The following ZZZ3 variants were observed in gnomAD, a reference collection of about 807,000 sequenced individuals.
ZZZ3 encodes zinc finger ZZ-type containing 3.
Under a neutral mutation model 95.2 loss-of-function variants are expected in ZZZ3, and 22 were observed. The ratio of observed to expected loss-of-function variants is 0.23; its 90% CI spans 0.17 to 0.33. The LOEUF is 0.33. Among genes scored for constraint, ZZZ3 ranks in the 10% least tolerant of loss-of-function variants. The pLI, the probability that ZZZ3 is intolerant of heterozygous loss-of-function variation, is 1.00. For synonymous variants in ZZZ3, 335 were observed against 358.9 expected (o/e 0.93, Z 0.75); for missense variants, 885 against 1,066.5 (o/e 0.83, Z 2.37).
chr1:77,679,492 G>A (rs1287145338), intron 1 of ZZZ3, among the ~76,000 whole-genome samples: 1 of 151,900 alleles, frequency 6.6e-6, no homozygotes, highest in Admixed American at 6.6e-5. Context: ...TGGTAGAAAC[G>A]TGGTCTGACT....
Position 77,582,119 on chromosome 1 carries a change from A to G in ZZZ3, c.1652T>C (p.Ile551Thr), listed in dbSNP as rs373490606. 4 of 1,602,658 alleles carry G rather than the reference A, an allele frequency of 2.5e-6. No individual in the cohort carries two copies. Among genetic ancestry groups the G allele is most frequent in the Non-Finnish European group, 3.4e-6 (4 of 1,176,540 alleles). ...FVEKLQKKADIGLPYPQRVVQ... is the reference protein window; with the variant it reads ...FVEKLQKKADTGLPYPQRVVQ... ...AACTCTCTGTGGATATGGAAGCCCA[A>G]TATCAGCCTGGAGGCAGGGGAGAAA... The change falls in exon 7 of 15, where the codon ATT (isoleucine) becomes ACT (threonine). Residue 551 changes from isoleucine (I) to threonine (T), a missense_variant. By Grantham distance (89) the Ile-to-Thr change is moderately conservative. Coordinates refer to ENST00000370801, the MANE Select transcript of ZZZ3 (RefSeq NM_015534.6).
rs139997412 is a variant in ZZZ3, at chr1:77,595,156, A to T, written c.1506-10501T>A. On this transcript the variant is annotated intron_variant, in intron 5 of 14. Transcript: ENST00000370801. ...ACTACCTTCAAGATCATTACAATTT[A>T]GGGAAGAAGATGTGACTGTGTGAAC... Among the ~76,000 whole-genome samples the T allele has an allele frequency of 1.8e-3, 273 of 152,186 alleles. 1 individual carries two copies. The highest frequency in any genetic ancestry group is 6.4e-3 in the African/African-American group (265 of 41,570).
chr1:77,591,797 G>C (rs897354940), intron 5 of ZZZ3, among the ~76,000 whole-genome samples: 2 of 152,080 alleles, frequency 1.3e-5, no homozygotes, highest in African/African-American at 4.8e-5. Flanking sequence ...AATTTAAAAT[G>C]AGCAAAGAAA....
chr1:77,649,102 G>C (rs1378665572), intron 1 of ZZZ3, among the ~76,000 whole-genome samples: 1 of 152,080 alleles, frequency 6.6e-6, no homozygotes, highest in African/African-American at 2.4e-5. Context: ...ACTCCAGCCT[G>C]GGTGACAGAG....
chr1:77,600,481 G>T (rs1226132432), intron 5 of ZZZ3, among the ~76,000 whole-genome samples: 1 of 152,168 alleles, frequency 6.6e-6, no homozygotes, highest in African/African-American at 2.4e-5. Flanking sequence ...TATTTGCACA[G>T]TTAAGTAAAT....
chr1:77,625,097 T>C (rs902429323), intron 5 of ZZZ3, among the ~76,000 whole-genome samples: 4 of 152,324 alleles, frequency 2.6e-5, no homozygotes, highest in Non-Finnish European at 5.9e-5. Context: ...TGTACACTTC[T>C]ATAAAAAATT....
At chr1:77,682,321 T>C (rs555949701) in intron 1 of ZZZ3, among the ~76,000 whole-genome samples, 2 of 152,188 alleles carry the variant, frequency 1.3e-5, no homozygotes, top group African/African-American at 4.8e-5. Context: ...AGGAACGGTA[T>C]CCAATGGAAT....
intron 3 of ZZZ3, among the ~76,000 whole-genome samples, chr1:77,640,074 T>C (rs1343879511): frequency 6.6e-6 from 1 of 152,056 alleles, no homozygotes; most frequent in Non-Finnish European, 1.5e-5. Context: ...CAACCAAATC[T>C]TCTATACCTA....
At chr1:77,658,611 G>A (rs1457474642) in intron 1 of ZZZ3, among the ~76,000 whole-genome samples, 5 of 150,062 alleles carry the variant, frequency 3.3e-5, no homozygotes, top group South Asian at 2.1e-4. Flanking sequence ...CGATCCTCCC[G>A]CCTTGGCTTC....
chr1:77,668,324 G>A (rs1671436151), intron 1 of ZZZ3, among the ~76,000 whole-genome samples: 1 of 152,110 alleles, frequency 6.6e-6, no homozygotes, highest in Non-Finnish European at 1.5e-5. Context: ...AGCATAGAAT[G>A]ATCACTGTCT....
chr1:77,605,330 G>C (rs181596542), intron 5 of ZZZ3, among the ~76,000 whole-genome samples: 46 of 152,304 alleles, frequency 3.0e-4, no homozygotes, highest in African/African-American at 1.0e-3. Flanking sequence ...ACCAGCCCTA[G>C]CCAGAGGGCA....
intron 12 of ZZZ3, among the ~76,000 whole-genome samples, chr1:77,574,402 A>G (rs551348960): frequency 5.2e-4 from 79 of 152,210 alleles, no homozygotes; most frequent in Non-Finnish European, 1.0e-3. Context: ...TAAAAGTCCT[A>G]GAGTTCTTAA....
At position 77,632,930 on chromosome 1, in the gene ZZZ3, T is replaced by A; in HGVS notation, c.425A>T (p.Glu142Val). Residue 142 changes from glutamate (E) to valine (V), a missense_variant, in exon 5 of 15, where the codon GAG becomes GTG. Physicochemically the swap from Glu to Val is moderately radical, Grantham distance 121. Around this residue, in one of 5 missense-constraint regions of ZZZ3, gnomAD observed 556 missense variants for 652.9 expected, o/e 0.85. Transcript: ENST00000370801. ...TACTGTACTCCTCTGTTCTACTGAC[T>A]CCTTGTCTGATTTTATAGGAGAATC... The part of the protein sequence containing the change: ...EEDSPIKSDK[E>V]SVEQRSTVVD... 1 of 1,614,176 alleles carries A rather than the reference T, an allele frequency of 6.2e-7. No homozygotes were observed. Among genetic ancestry groups the A allele is most frequent in the Non-Finnish European group, 8.5e-7 (1 of 1,180,026 alleles).
chr1:77,610,741 T>C (rs2100728920), intron 5 of ZZZ3, among the ~76,000 whole-genome samples: 1 of 151,866 alleles, frequency 6.6e-6, no homozygotes, highest in Middle Eastern at 3.4e-3. Context: ...GAAAAAGCAC[T>C]GGCAAAGTTT....
intron 5 of ZZZ3, among the ~76,000 whole-genome samples, chr1:77,611,928 T>G (rs1246905146): frequency 6.6e-6 from 1 of 151,970 alleles, no homozygotes; most frequent in African/African-American, 2.4e-5. Context: ...AATGATTTTT[T>G]GGGTAATACA....
At chr1:77,666,963 GAA>G (rs1228312547) in intron 1 of ZZZ3, among the ~76,000 whole-genome samples, 1 of 152,162 alleles carries the variant, frequency 6.6e-6, no homozygotes, top group Non-Finnish European at 1.5e-5. Flanking sequence ...AAATATTTGA[GAA>G]GAGTATTCCA....
chr1:77,586,234 T>C (rs762554641), intron 5 of ZZZ3, among the ~76,000 whole-genome samples: 12 of 152,190 alleles, frequency 7.9e-5, no homozygotes, highest in Non-Finnish European at 1.6e-4. Flanking sequence ...TATAATACTC[T>C]TAACTGTCAT....
chr1:77,679,250 G>A (rs1672534146), intron 1 of ZZZ3, among the ~76,000 whole-genome samples: 1 of 152,076 alleles, frequency 6.6e-6, no homozygotes, highest in Non-Finnish European at 1.5e-5. Context: ...AACTCTTCTA[G>A]CAACTATTTC....
At chr1:77,669,625 T>C (rs1671566737) in intron 1 of ZZZ3, among the ~76,000 whole-genome samples, 1 of 151,902 alleles carries the variant, frequency 6.6e-6, no homozygotes, top group Non-Finnish European at 1.5e-5. Flanking sequence ...ACCTGGCTAA[T>C]GTTTGTATTT....
Sources: allele counts gnomAD v4.1 joint callset (sites outside exome capture counted in the v4.1 genomes callset), GRCh38; gene constraint gnomAD v4.1.1; regional missense constraint gnomAD v4.1.1; transcripts MANE v1.5; gene names NCBI Gene and HGNC (gene_info 2026-07-23, HGNC 2026-07-21).